Variants in GALNT1 observed in about 807,000 individuals in gnomAD.
GALNT1 encodes the protein polypeptide N-acetylgalactosaminyltransferase 1.
GALNT1 carries 17 observed loss-of-function variants against 65.7 expected under a neutral mutation model. The observed-to-expected ratio is 0.26, with a 90% CI of 0.18 to 0.39. GALNT1 has a LOEUF of 0.39. GALNT1 is among the 10% of genes least tolerant of loss of function. The pLI, the probability that GALNT1 is intolerant of heterozygous loss-of-function variation, is 1.00. For synonymous variants in GALNT1, 210 were observed against 219.7 expected, an observed-to-expected ratio of 0.96 and a Z score of 0.39; for missense variants, 460 against 672.8, an observed-to-expected ratio of 0.68 and a Z score of 3.50.
intron 1 of GALNT1, among the ~76,000 whole-genome samples, chr18:35,631,400 A>G (rs944521744): frequency 5.3e-5 from 8 of 152,354 alleles, no homozygotes; most frequent in African/African-American, 1.9e-4. Flanking sequence ...GGCTGGTTCA[A>G]CATACGCAAA....
chr18:35,605,620 T>TCCTC (rs2046637587), intron 1 of GALNT1, among the ~76,000 whole-genome samples: 1 of 151,994 alleles, frequency 6.6e-6, no homozygotes, highest in Admixed American at 6.6e-5. Context: ...TCTCAGATCT[T>TCCTC]CCTCCCTCCC....
At chr18:35,623,181 C>T (rs756691416) in intron 1 of GALNT1, among the ~76,000 whole-genome samples, 5 of 152,084 alleles carry the variant, frequency 3.3e-5, no homozygotes, top group African/African-American at 4.8e-5. Context: ...TCTGAGTTTC[C>T]ATCTGGTGTC....
chr18:35,681,487 AT>A lies in GALNT1; in HGVS notation c.482-1893del, dbSNP rs35993193. Among the ~76,000 whole-genome samples the A allele has an allele frequency of 3.6e-3, 533 of 148,492 alleles. 3 individuals are homozygous for A. The highest frequency in any genetic ancestry group is 0.013 in the East Asian group (68 of 5,064). On this transcript the variant is annotated intron_variant, in intron 4 of 11. Transcript: ENST00000269195. ...GAGTTACCCGACCACAGAATCATGC[AT>A]TTTTTTTTTTAATTTTGTTCATAAA... is the stretch of plus-strand genomic sequence containing the variant.
chr18:35,690,212 C>T (rs1207878726), intron 7 of GALNT1, among the ~76,000 whole-genome samples: 5 of 152,068 alleles, frequency 3.3e-5, no homozygotes, highest in African/African-American at 7.2e-5. Context: ...TTCTTCTGCC[C>T]CTTTTTTTGT....
intron 3 of GALNT1, among the ~76,000 whole-genome samples, chr18:35,674,002 C>T (rs1315003399): frequency 6.6e-6 from 1 of 152,178 alleles, no homozygotes; most frequent in Non-Finnish European, 1.5e-5. Flanking sequence ...TAGTATATTT[C>T]TCTACTGAAT....
At chr18:35,669,372 G>T (rs1030476674) in intron 3 of GALNT1, among the ~76,000 whole-genome samples, 1 of 152,178 alleles carries the variant, frequency 6.6e-6, no homozygotes, top group Non-Finnish European at 1.5e-5. Flanking sequence ...GCATGATCTT[G>T]ATATGAAAAT....
chr18:35,639,031 A>G (rs951893687), intron 1 of GALNT1, among the ~76,000 whole-genome samples: 4 of 152,238 alleles, frequency 2.6e-5, no homozygotes, highest in Non-Finnish European at 5.9e-5. Flanking sequence ...TGAGGATGCT[A>G]TGAACACAGT....
intron 2 of GALNT1, among the ~76,000 whole-genome samples, chr18:35,660,833 TGTG>T (rs2047468264): frequency 6.6e-6 from 1 of 152,206 alleles, no homozygotes; most frequent in Admixed American, 6.5e-5. Flanking sequence ...ATTAGAGTAT[TGTG>T]GTGCATTCTC....
intron 1 of GALNT1, among the ~76,000 whole-genome samples, chr18:35,635,506 T>A (rs1294929660): frequency 2.6e-5 from 4 of 152,152 alleles, no homozygotes; most frequent in African/African-American, 9.7e-5. Context: ...GTTCTCAGAG[T>A]TTGGCTAGGG....
At chr18:35,598,003 CCTCCCCTCCCCTCCCCTCCA>C (rs1469746486) in intron 1 of GALNT1, among the ~76,000 whole-genome samples, 8 of 69,656 alleles carry the variant, frequency 1.1e-4, no homozygotes, top group African/African-American at 3.5e-4. Flanking sequence ...CCTCCCCTCC[CCTCCCCTCCCCTCCCCTCCA>C]ATCCCCTCCC....
intron 11 of GALNT1, among the ~76,000 whole-genome samples, chr18:35,706,859 G>A (rs1398536634): frequency 6.6e-6 from 1 of 151,978 alleles, no homozygotes; most frequent in African/African-American, 2.4e-5. Context: ...AAAAATAACA[G>A]AATACTTATG....
chr18:35,595,146 T>C (rs2046489628), intron 1 of GALNT1, among the ~76,000 whole-genome samples: 1 of 152,146 alleles, frequency 6.6e-6, no homozygotes, highest in South Asian at 2.1e-4. Context: ...CAATATGATA[T>C]TTCAATAGCA....
At chr18:35,680,027 G>T (rs374044862) in intron 4 of GALNT1, among the ~76,000 whole-genome samples, 1 of 151,794 alleles carries the variant, frequency 6.6e-6, no homozygotes, top group African/African-American at 2.4e-5. Context: ...TGATCATTTC[G>T]CTTCCATGCT....
At chr18:35,626,799 T>G (rs2046923277) in intron 1 of GALNT1, among the ~76,000 whole-genome samples, 2 of 152,210 alleles carry the variant, frequency 1.3e-5, no homozygotes, top group African/African-American at 4.8e-5. Flanking sequence ...GTTACATTAC[T>G]TCTAAGCATA....
chr18:35,707,144 A>G (rs1008558794), intron 11 of GALNT1, among the ~76,000 whole-genome samples: 3 of 152,192 alleles, frequency 2.0e-5, no homozygotes, highest in Admixed American at 1.3e-4. Flanking sequence ...AAAATTTACA[A>G]TAAGGCACTG....
intron 1 of GALNT1, among the ~76,000 whole-genome samples, chr18:35,627,878 C>T (rs7242364): frequency 0.1 from 15,622 of 152,128 alleles, 890 homozygotes; most frequent in Admixed American, 0.18. Context: ...CCTAATACTG[C>T]GCTTTTCTGA....
intron 9 of GALNT1, among the ~76,000 whole-genome samples, chr18:35,702,001 C>A (rs1475610739): frequency 6.6e-6 from 1 of 152,144 alleles, no homozygotes; most frequent in Non-Finnish European, 1.5e-5. Context: ...GACATTACCC[C>A]CCCAGTTCCT....
chr18:35,680,854 G>A (rs556517908), intron 4 of GALNT1, among the ~76,000 whole-genome samples: 1 of 152,038 alleles, frequency 6.6e-6, no homozygotes, highest in Non-Finnish European at 1.5e-5. Flanking sequence ...ACTGTTACAG[G>A]ATCTGTAATA....
chr18:35,707,866 G>A (rs1297771371), intron 11 of GALNT1, among the ~76,000 whole-genome samples: 1 of 152,216 alleles, frequency 6.6e-6, no homozygotes, highest in East Asian at 1.9e-4. Flanking sequence ...TGGCAGCAAT[G>A]TGCACGCTGA....
Sources: allele counts gnomAD v4.1 joint callset (sites outside exome capture counted in the v4.1 genomes callset), GRCh38; gene constraint gnomAD v4.1.1; transcripts MANE v1.5; gene names NCBI Gene and HGNC (gene_info 2026-07-23, HGNC 2026-07-21).